The following BAAT variants were observed in gnomAD, a reference collection of about 807,000 sequenced individuals.
BAAT encodes bile acid-CoA:amino acid N-acyltransferase, also known as bile acid CoA: amino acid N-acyltransferase (glycine N-choloyltransferase).
Under a neutral mutation model 18.9 loss-of-function variants are expected in BAAT, and 13 were observed. That is an observed-to-expected ratio of 0.69 (90% CI 0.45 to 1.10). The LOEUF is 1.10. Among genes scored for constraint, BAAT ranks in the 50% least tolerant of loss-of-function variants. The pLI is 0.00. For synonymous variants in BAAT, 170 were observed against 190.7 expected, an observed-to-expected ratio of 0.89 and a Z score of 0.89; for missense variants, 489 against 504.0, an observed-to-expected ratio of 0.97 and a Z score of 0.28.
At chr9:101,367,595 C>T (rs1180374380) in intron 3 of BAAT, among the ~76,000 whole-genome samples, 3 of 151,492 alleles carry the variant, frequency 2.0e-5, no homozygotes, top group Non-Finnish European at 4.4e-5. Flanking sequence ...AGCGATCTTT[C>T]CTCCTCAGCC....
At chr9:101,375,449 C>T in intron 1 of BAAT, 1 of 189,694 alleles carries the variant, frequency 5.3e-6, no homozygotes. Context: ...GTCTGTTTTC[C>T]AGCACAATTT....
In BAAT at chr9:101,362,207, G is replaced by C; in HGVS notation, c.*221C>G. On this transcript the variant is annotated 3_prime_UTR_variant, in exon 4 of 4. Transcript: ENST00000259407. Reference sequence around the variant, plus strand: ...GAAAGAAAAGTCATGTAAATAATAAGTAAAATGATTTGTTTTATGATTTAT... The same window carrying C: ...GAAAGAAAAGTCATGTAAATAATAACTAAAATGATTTGTTTTATGATTTAT... 1 of 616,700 alleles carries C rather than the reference G, an allele frequency of 1.6e-6. No homozygotes were observed. Among genetic ancestry groups the C allele is most frequent in the Middle Eastern group, 4.3e-4 (1 of 2,310 alleles). 38.2% of individuals were successfully genotyped at this position (616,700 alleles called of 1,614,324 possible).
At chr9:101,377,905 A>G (rs1830072980) in intron 1 of BAAT, among the ~76,000 whole-genome samples, 1 of 152,180 alleles carries the variant, frequency 6.6e-6, no homozygotes, top group Non-Finnish European at 1.5e-5. Context: ...ACTTCAGCAA[A>G]GTCTCAGGAT....
rs1160680124 is a variant in BAAT at position 101,371,463 on chromosome 9, C to T, written c.-59G>A. ...GAATATCTTCAGCAAAACCTCAAAA[C>T]CTCAAAAAAGAAAGAAAGAGGAGCA... On this transcript the variant is annotated splice_region_variant and 5_prime_UTR_variant, in exon 2 of 4. Coordinates refer to ENST00000259407, the MANE Select transcript of BAAT (RefSeq NM_001701.4). 6.7e-7 allele frequency: 1 copy of T among 1,503,632 alleles called. No individual in the cohort carries two copies. The highest frequency in any genetic ancestry group is 1.4e-5 in the African/African-American group (1 of 72,666). The allele number at this position is 1,503,632 out of a possible 1,614,324, so 93.1% of individuals were successfully genotyped here.
At position 101,368,191 on chromosome 9, in the gene BAAT, G is replaced by T. The variant is rs1221493522; in HGVS notation, c.598C>A (p.Pro200Thr). 5.0e-6 allele frequency: 8 copies of T among 1,614,034 alleles called. No homozygotes were observed. Among genetic ancestry groups the T allele is most frequent in the Non-Finnish European group, 6.8e-6 (8 of 1,179,996 alleles). ...ALAYHNYEDLPRKPEVTDLEY... is the reference protein window; with the variant it reads ...ALAYHNYEDLTRKPEVTDLEY... The stretch of plus-strand genomic sequence containing the variant: ...AAATCTGTTACTTCTGGTTTGCGGG[G>T]CAGGTCTTCATAGTTATGGTAAGCC... Residue 200 changes from proline (P) to threonine (T), a missense_variant, in exon 3 of 4, where the codon CCC becomes ACC. Transcript: ENST00000259407.
At chr9:101,383,860 A>G (rs1012194890) in intron 1 of BAAT, among the ~76,000 whole-genome samples, 1 of 152,162 alleles carries the variant, frequency 6.6e-6, no homozygotes, top group Admixed American at 6.6e-5. Context: ...GCATTTGCAA[A>G]TGGTTTCTTT....
intron 1 of BAAT, among the ~76,000 whole-genome samples, chr9:101,380,996 A>G (rs940833158): frequency 2.0e-5 from 3 of 151,856 alleles, no homozygotes; most frequent in Non-Finnish European, 4.4e-5. Context: ...ACCTCAAATG[A>G]TCCGCCTGCC....
chr9:101,362,214 G>T lies in BAAT; in HGVS notation c.*214C>A, dbSNP rs1008386626. 2.4e-5 allele frequency: 15 copies of T among 619,558 alleles called. No individual in the cohort carries two copies. The highest frequency in any genetic ancestry group is 2.0e-4 in the African/African-American group (11 of 54,116). The allele number at this position is 619,558 out of a possible 1,614,324, so 38.4% of individuals were successfully genotyped here. A position where few individuals can be genotyped will look rare whatever the true frequency, so the allele number is the denominator to read the frequency against. ...AAGTCATGTAAATAATAAGTAAAAT[G>T]ATTTGTTTTATGATTTATTCACCAT... On this transcript the variant is annotated 3_prime_UTR_variant, in exon 4 of 4. Coordinates refer to ENST00000259407, the MANE Select transcript of BAAT (RefSeq NM_001701.4).
intron 2 of BAAT, among the ~76,000 whole-genome samples, chr9:101,370,017 T>A (rs1432614579): frequency 6.6e-6 from 1 of 152,182 alleles, no homozygotes; most frequent in East Asian, 1.9e-4. Flanking sequence ...GGTTACAAAG[T>A]TTCTTGCATC....
chr9:101,372,567 C>G (rs1829971372), intron 1 of BAAT, among the ~76,000 whole-genome samples: 1 of 150,256 alleles, frequency 6.7e-6, no homozygotes, highest in Non-Finnish European at 1.5e-5. Flanking sequence ...CCACTGTTCT[C>G]TCTCTAACAA....
At chr9:101,366,224 A>G (rs1829824411) in intron 3 of BAAT, among the ~76,000 whole-genome samples, 1 of 152,184 alleles carries the variant, frequency 6.6e-6, no homozygotes, top group Non-Finnish European at 1.5e-5. Flanking sequence ...CATGAAAGAT[A>G]AAGTAAAAGC....
intron 1 of BAAT, among the ~76,000 whole-genome samples, chr9:101,372,962 C>T (rs937917119): frequency 5.3e-5 from 8 of 152,192 alleles, no homozygotes; most frequent in African/African-American, 1.2e-4. Flanking sequence ...GTGCTCAGAC[C>T]GAGATCAGGG....
chr9:101,368,256 G>T lies in BAAT; in HGVS notation c.533C>A (p.Ala178Asp), dbSNP rs987791316. 6.2e-7 allele frequency: 1 copy of T among 1,613,674 alleles called. No individual in the cohort carries two copies. The highest frequency in any genetic ancestry group is 8.5e-7 in the Non-Finnish European group (1 of 1,179,996). The part of the protein sequence containing the change: ...GGLGGLLEFR[A>D]SLLASRGFAS... Reference sequence around the variant, plus strand: ...GAAGCCACGACTGGCTAGGAGGCTGGCCCGAAATTCAAGCAGCCCACCCAA... The same window carrying T: ...GAAGCCACGACTGGCTAGGAGGCTGTCCCGAAATTCAAGCAGCCCACCCAA... The change falls in exon 3 of 4, where the codon GCC (alanine) becomes GAC (aspartate). Residue 178 changes from alanine (A) to aspartate (D), a missense_variant. Physicochemically the swap from Ala to Asp is moderately radical, Grantham distance 126. Transcript: ENST00000259407.
intron 2 of BAAT, among the ~76,000 whole-genome samples, chr9:101,369,375 C>G (rs538891159): frequency 7.2e-4 from 110 of 152,268 alleles, no homozygotes; most frequent in African/African-American, 2.6e-3. Context: ...ATCTGATTGA[C>G]AAGAATGGGG....
chr9:101,362,344 G>C lies in BAAT; in HGVS notation c.*84C>G, dbSNP rs1226427318. 4 of 1,359,692 alleles carry C rather than the reference G, an allele frequency of 2.9e-6. No homozygotes were observed. In the African/African-American group the frequency reaches 5.7e-5, roughly 20 times the overall value. The allele number at this position is 1,359,692 out of a possible 1,614,324, so 84.2% of individuals were successfully genotyped here. On this transcript the variant is annotated 3_prime_UTR_variant, in exon 4 of 4. Coordinates refer to ENST00000259407, the MANE Select transcript of BAAT (RefSeq NM_001701.4). ...AATACAAAATGTGTGTGTGGCAGCT[G>C]GGGGAGACATTCCGCCATGAAAATT...
rs1829755070 is a variant in BAAT, at chr9:101,362,722, G to A, written c.963C>T (p.Leu321=). Residue 321 remains leucine, a synonymous_variant, in exon 4 of 4, where the codon CTC becomes CTT. Transcript: ENST00000259407. ...TCTTATCACCTTCTCCTACAATGAA[G>A]AGGAATTGCCCCTGGGCCTCTTCAA... The part of the protein sequence containing the change: ...FPIEEAQGQF[L]FIVGEGDKTI... The A allele has an allele frequency of 6.2e-7, 1 of 1,614,072 alleles. No homozygotes were observed. Among genetic ancestry groups the A allele is most frequent in the African/African-American group, 1.3e-5 (1 of 74,924 alleles).
chr9:101,362,175 C>A lies in BAAT; in HGVS notation c.*253G>T. The stretch of plus-strand genomic sequence containing the variant: ...CTATACCTCAGTCCTATTTAGAAGA[C>A]CTGATGGAAAGAAAAGTCATGTAAA... On this transcript the variant is annotated 3_prime_UTR_variant, in exon 4 of 4. Coordinates refer to ENST00000259407, the MANE Select transcript of BAAT (RefSeq NM_001701.4). 1.7e-6 allele frequency: 1 copy of A among 579,248 alleles called. No homozygotes were observed. Among genetic ancestry groups the A allele is most frequent in the South Asian group, 2.1e-5 (1 of 48,738 alleles). 35.9% of individuals were successfully genotyped at this position (579,248 alleles called of 1,614,324 possible). A position where few individuals can be genotyped will look rare whatever the true frequency, so the allele number is the denominator to read the frequency against.
rs1263119771 is a variant in BAAT at position 101,368,104 on chromosome 9, A to T, written c.669+16T>A. 1.2e-6 allele frequency: 2 copies of T among 1,610,678 alleles called. No individual in the cohort carries two copies. The highest frequency in any genetic ancestry group is 1.7e-6 in the Non-Finnish European group (2 of 1,176,960). ...AAACCCCAGGGACTCAAACCTACTG[A>T]AAAGACAAAAATTACCTTTGGATGT... On this transcript the variant is annotated intron_variant, in intron 3 of 3. Transcript: ENST00000259407.
chr9:101,368,192 C>G lies in BAAT; in HGVS notation c.597G>C (p.Leu199=), dbSNP rs1343817672. 6.2e-7 allele frequency: 1 copy of G among 1,613,970 alleles called. No homozygotes were observed. Among genetic ancestry groups the G allele is most frequent in the Non-Finnish European group, 8.5e-7 (1 of 1,179,990 alleles). ...AATCTGTTACTTCTGGTTTGCGGGG[C>G]AGGTCTTCATAGTTATGGTAAGCCA... ...LALAYHNYED[L]PRKPEVTDLE... is the part of the protein sequence containing the mutation. The change falls in exon 3 of 4, where the codon CTG becomes CTC. Residue 199 remains leucine (L), a synonymous_variant. Coordinates refer to ENST00000259407, the MANE Select transcript of BAAT (RefSeq NM_001701.4).
Sources: gnomAD v4.1 joint callset for allele counts (sites outside exome capture counted in the v4.1 genomes callset) on GRCh38, gnomAD v4.1.1 for gene constraint, MANE v1.5 for transcripts, NCBI Gene and HGNC (gene_info 2026-07-23, HGNC 2026-07-21) for gene names.